Variants in NRXN3 observed in about 807,000 individuals in gnomAD.
NRXN3 encodes the protein neurexin III.
Under a neutral mutation model 137.6 loss-of-function variants are expected in NRXN3, and 32 were observed. That is an observed-to-expected ratio of 0.23 (90% CI 0.18 to 0.31). NRXN3 has a LOEUF of 0.31. NRXN3 is among the 10% of genes least tolerant of loss of function. The probability of loss-of-function intolerance (pLI) is 1.00; values close to 1 mark genes in which losing one functional copy is unlikely to be tolerated. For synonymous variants in NRXN3, 798 were observed against 784.5 expected, an observed-to-expected ratio of 1.02 and a Z score of -0.29; for missense variants, 1,574 against 2,062.5, an observed-to-expected ratio of 0.76 and a Z score of 4.59.
intron 8 of NRXN3, among the ~76,000 whole-genome samples, chr14:78,788,731 A>G (rs149414858): frequency 6.6e-6 from 1 of 152,248 alleles, no homozygotes; most frequent in Admixed American, 6.5e-5. Context: ...TACCTTTTAA[A>G]TCTTACCTTT....
intron 20 of NRXN3, among the ~76,000 whole-genome samples, chr14:79,842,575 G>C (rs866781836): frequency 6.6e-6 from 1 of 152,092 alleles, no homozygotes; most frequent in Non-Finnish European, 1.5e-5. Flanking sequence ...TTTTAAAGAG[G>C]AAAGTGACTT....
intron 10 of NRXN3, among the ~76,000 whole-genome samples, chr14:78,903,737 C>A (rs1416844225): frequency 1.3e-5 from 2 of 151,814 alleles, no homozygotes; most frequent in African/African-American, 4.8e-5. Flanking sequence ...CTTTTTGGAC[C>A]CTGGTGACAT....
chr14:78,664,461 CCTG>C (rs1376883488), intron 6 of NRXN3, among the ~76,000 whole-genome samples: 1 of 152,156 alleles, frequency 6.6e-6, no homozygotes, highest in Admixed American at 6.5e-5. Context: ...GATACTGTCT[CCTG>C]CTCAATTTAC....
At chr14:79,299,647 T>C (rs917528324) in intron 15 of NRXN3, among the ~76,000 whole-genome samples, 9 of 152,194 alleles carry the variant, frequency 5.9e-5, no homozygotes, top group African/African-American at 2.2e-4. Context: ...CCAAAAAACT[T>C]AGTAAAGAAT....
At chr14:78,952,547 C>A (rs1035560398) in intron 10 of NRXN3, among the ~76,000 whole-genome samples, 1 of 152,118 alleles carries the variant, frequency 6.6e-6, no homozygotes, top group Admixed American at 6.5e-5. Context: ...CTAGCCTAGC[C>A]AAAGGGGCTG....
chr14:79,321,172 G>A (rs2089950028), intron 15 of NRXN3, among the ~76,000 whole-genome samples: 1 of 152,024 alleles, frequency 6.6e-6, no homozygotes, highest in Non-Finnish European at 1.5e-5. Flanking sequence ...TATGACTAAA[G>A]GCCCAGGTGG....
chr14:79,555,811 G>A (rs555960367), intron 16 of NRXN3, among the ~76,000 whole-genome samples: 46 of 152,218 alleles, frequency 3.0e-4, no homozygotes, highest in African/African-American at 1.0e-3. Context: ...ATTCCGTTAC[G>A]TATTTTCACC....
chr14:79,183,051 T>C (rs1190677914), intron 15 of NRXN3, among the ~76,000 whole-genome samples: 1 of 152,224 alleles, frequency 6.6e-6, no homozygotes, highest in Non-Finnish European at 1.5e-5. Context: ...AGTCTACATT[T>C]GAATTATGCC....
intron 15 of NRXN3, among the ~76,000 whole-genome samples, chr14:79,087,211 A>G (rs1167485022): frequency 6.6e-6 from 1 of 152,098 alleles, no homozygotes; most frequent in Admixed American, 6.6e-5. Flanking sequence ...GAGGGTACTA[A>G]GTGAAAATGT....
At chr14:78,731,607 ATGTG>A (rs149686835) in intron 8 of NRXN3, among the ~76,000 whole-genome samples, 17 of 148,778 alleles carry the variant, frequency 1.1e-4, no homozygotes, top group East Asian at 2.0e-4. Flanking sequence ...GTATATATAT[ATGTG>A]TGTGTGTGTG....
chr14:78,785,271 A>G (rs749677812), intron 8 of NRXN3, among the ~76,000 whole-genome samples: 51 of 152,258 alleles, frequency 3.3e-4, no homozygotes, highest in Admixed American at 8.5e-4. Context: ...GTTTTGCAAT[A>G]TAATTAGTTG....
Position 79,724,768 on chromosome 14 carries a change from G to A in NRXN3, c.4014+26831G>A, listed in dbSNP as rs146801000. Among the ~76,000 whole-genome samples, 1,230 of 152,162 alleles carry A rather than the reference G, an allele frequency of 8.1e-3. 10 individuals carry two copies. Among genetic ancestry groups the A allele is most frequent in the Non-Finnish European group, 0.013 (904 of 68,006 alleles). The stretch of plus-strand genomic sequence containing the variant: ...ATATGGTACTTTAACAAAGCTATAC[G>A]GTAGCTGCAAGACAACACCATGGCT... On this transcript the variant is annotated intron_variant, in intron 19 of 20. Transcript: ENST00000335750.
intron 10 of NRXN3, among the ~76,000 whole-genome samples, chr14:78,912,638 C>A (rs893114162): frequency 6.6e-6 from 1 of 152,042 alleles, no homozygotes; most frequent in Non-Finnish European, 1.5e-5. Context: ...TTAGATAGAA[C>A]TTGGAGGATC....
intron 10 of NRXN3, among the ~76,000 whole-genome samples, chr14:78,953,318 T>G (rs973813448): frequency 6.6e-6 from 1 of 152,220 alleles, no homozygotes; most frequent in African/African-American, 2.4e-5. Flanking sequence ...CATTATTGGT[T>G]CTGGCTTCTT....
At chr14:78,724,628 T>C (rs775890645) in intron 8 of NRXN3, among the ~76,000 whole-genome samples, 14 of 152,228 alleles carry the variant, frequency 9.2e-5, no homozygotes, top group Non-Finnish European at 2.9e-5. Context: ...TGTGCATCTG[T>C]GCATATTTGT....
At chr14:78,905,732 T>C (rs2099214029) in intron 10 of NRXN3, among the ~76,000 whole-genome samples, 1 of 152,046 alleles carries the variant, frequency 6.6e-6, no homozygotes, top group Admixed American at 6.6e-5. Flanking sequence ...TAAAAAATGT[T>C]ATGTTACTCT....
At chr14:79,507,839 G>A (rs535295026) in intron 16 of NRXN3, among the ~76,000 whole-genome samples, 4 of 152,250 alleles carry the variant, frequency 2.6e-5, no homozygotes, top group African/African-American at 9.6e-5. Context: ...GAGGCTTGCA[G>A]ACAGAAGTAT....
chr14:79,127,607 T>C (rs914043454), intron 15 of NRXN3, among the ~76,000 whole-genome samples: 1 of 152,188 alleles, frequency 6.6e-6, no homozygotes, highest in Non-Finnish European at 1.5e-5. Context: ...AGTCAGGTAG[T>C]GTGATGCCTC....
At chr14:78,921,451 A>T (rs1004172786) in intron 10 of NRXN3, among the ~76,000 whole-genome samples, 6 of 152,226 alleles carry the variant, frequency 3.9e-5, no homozygotes, top group Non-Finnish European at 8.8e-5. Context: ...GAATAACATC[A>T]ATTAGTAAAC....
Sources: gnomAD v4.1 joint callset for allele counts (sites outside exome capture counted in the v4.1 genomes callset) on GRCh38, gnomAD v4.1.1 for gene constraint, MANE v1.5 for transcripts, NCBI Gene and HGNC (gene_info 2026-07-23, HGNC 2026-07-21) for gene names.